FAM229B: variants seen among roughly 807,000 people sequenced by gnomAD.
FAM229B encodes the protein protein FAM229B.
Under a neutral mutation model 6.7 loss-of-function variants are expected in FAM229B, and 2 were observed. The ratio of observed to expected loss-of-function variants is 0.30; its 90% CI spans 0.12 to 0.94. The LOEUF (loss-of-function observed/expected upper bound fraction) is 0.94, where lower values mean the gene tolerates loss of function less well. FAM229B is among the 40% of genes least tolerant of loss of function. FAM229B has a pLI of 0.54. For missense variants in FAM229B, 93 were observed against 96.2 expected (o/e 0.97, Z 0.14); for synonymous variants, 29 against 34.0 (o/e 0.85, Z 0.51).
At chr6:112,093,658 G>T (rs116575044) in intron 1 of FAM229B, among the ~76,000 whole-genome samples, 1 of 151,834 alleles carries the variant, frequency 6.6e-6, no homozygotes, top group African/African-American at 2.4e-5. Context: ...GTCATACAAC[G>T]AATATTCTCT....
intron 2 of FAM229B, among the ~76,000 whole-genome samples, chr6:112,097,531 C>T (rs1777342796): frequency 6.6e-6 from 1 of 151,608 alleles, no homozygotes. Context: ...ACATTGTGTA[C>T]TAATAGCTGA....
chr6:112,087,764 G>A (rs1177623560), intron 1 of FAM229B, 44 bp downstream of exon 1: 14 of 360,784 alleles, frequency 3.9e-5, no homozygotes, highest in Admixed American at 9.2e-5. Flanking sequence ...GTGTCGTTAA[G>A]CTGTTCGTGG....
chr6:112,094,528 C>T (rs587738713), intron 1 of FAM229B, among the ~76,000 whole-genome samples: 1 of 152,166 alleles, frequency 6.6e-6, no homozygotes, highest in East Asian at 1.9e-4. Flanking sequence ...CTCATTTCCA[C>T]CTAATTAATG....
chr6:112,091,266 A>G (rs782070050), intron 1 of FAM229B, among the ~76,000 whole-genome samples: 4 of 152,130 alleles, frequency 2.6e-5, no homozygotes, highest in Non-Finnish European at 5.9e-5. Context: ...GTTAGAGAGT[A>G]TGCAAAAACA....
chr6:112,095,610 T>A (rs1268763343), intron 1 of FAM229B, among the ~76,000 whole-genome samples: 2 of 115,462 alleles, frequency 1.7e-5, no homozygotes, highest in East Asian at 5.2e-4. Context: ...CACTCCAGCC[T>A]GGATGACAGA....
chr6:112,094,214 A>C (rs1777293344), intron 1 of FAM229B, among the ~76,000 whole-genome samples: 1 of 152,148 alleles, frequency 6.6e-6, no homozygotes, highest in African/African-American at 2.4e-5. Flanking sequence ...ATTGGAGTGG[A>C]AATAAAATAA....
chr6:112,096,518 T>G (rs1356441283), intron 1 of FAM229B, among the ~76,000 whole-genome samples: 2 of 152,086 alleles, frequency 1.3e-5, no homozygotes, highest in Non-Finnish European at 2.9e-5. Flanking sequence ...ATAGCACCAC[T>G]GCACTCCAGC....
chr6:112,098,804 C>G (rs928975255), intron 2 of FAM229B, among the ~76,000 whole-genome samples: 4 of 152,176 alleles, frequency 2.6e-5, no homozygotes, highest in Non-Finnish European at 4.4e-5. Context: ...TTTCACACGG[C>G]AGAAATGGTC....
intron 1 of FAM229B, among the ~76,000 whole-genome samples, chr6:112,089,903 C>T (rs1009916442): frequency 3.9e-5 from 6 of 151,958 alleles, no homozygotes; most frequent in Admixed American, 2.0e-4. Flanking sequence ...AAAGGATACA[C>T]ACTATGTTCT....
chr6:112,095,509 G>A (rs1479532130), intron 1 of FAM229B, among the ~76,000 whole-genome samples: 2 of 151,594 alleles, frequency 1.3e-5, no homozygotes, highest in Non-Finnish European at 2.9e-5. Flanking sequence ...GTGTGCACCT[G>A]TAGTCCCAGC....
chr6:112,088,089 A>G (rs782379875), intron 1 of FAM229B, among the ~76,000 whole-genome samples: 3 of 152,230 alleles, frequency 2.0e-5, no homozygotes, highest in Non-Finnish European at 4.4e-5. Context: ...GAAAGAAATT[A>G]AGGCATAGAT....
rs17073353 is a variant in FAM229B at position 112,100,951 on chromosome 6, T to C, written c.*164T>C. The C allele has an allele frequency of 0.25, 152,115 of 607,134 alleles. 19,653 individuals are homozygous for C. The highest frequency in any genetic ancestry group is 0.31 in the East Asian group (11,139 of 36,296). The allele number at this position is 607,134 out of a possible 1,614,324, so 37.6% of individuals were successfully genotyped here. On this transcript the variant is annotated 3_prime_UTR_variant, in exon 4 of 4. Coordinates refer to ENST00000368656, the MANE Select transcript of FAM229B (RefSeq NM_001033564.3). ...ACAGAAATGTAGTCAGTAAAGCACA[T>C]GTAGTGATAGGCTATCAGTTATGTC...
Position 112,087,609 on chromosome 6 carries a change from T to G in FAM229B, c.-287T>G. 1 of 655,380 alleles carries G rather than the reference T, an allele frequency of 1.5e-6. No homozygotes were observed. Among genetic ancestry groups the G allele is most frequent in the South Asian group, 1.9e-5 (1 of 51,378 alleles). The allele number at this position is 655,380 out of a possible 1,614,324, so 40.6% of individuals were successfully genotyped here. ...GTTTTCCGTCAGAAGGCCGCGCAAGTGCACTTGCGTGTCACCGTTACCGTA... is the reference window on the plus strand; with the variant it reads ...GTTTTCCGTCAGAAGGCCGCGCAAGGGCACTTGCGTGTCACCGTTACCGTA... On this transcript the variant is annotated 5_prime_UTR_variant, in exon 1 of 4. Transcript: ENST00000368656.
chr6:112,095,662 C>CAAAAAAAAAAAAAAAAAAAAAAAAAAA (rs376039549), intron 1 of FAM229B, among the ~76,000 whole-genome samples: 3 of 77,896 alleles, frequency 3.9e-5, no homozygotes, highest in Non-Finnish European at 8.1e-5. Context: ...AAAAAAAAAC[C>CAAAAAAAAAAAAAAAAAAAAAAAAAAA]AAAAAAAAAA....
chr6:112,094,922 A>G (rs1327249491), intron 1 of FAM229B, among the ~76,000 whole-genome samples: 2 of 152,030 alleles, frequency 1.3e-5, no homozygotes, highest in Non-Finnish European at 2.9e-5. Flanking sequence ...TATGCTGGAG[A>G]CTCAAATTCC....
At chr6:112,100,583 TA>T in intron 3 of FAM229B, 86 bp from the exon 4 acceptor site, 4 of 843,738 alleles carry the variant, frequency 4.7e-6, no homozygotes, top group Non-Finnish European at 7.8e-6. Flanking sequence ...TTAAAACAGT[TA>T]AATATACAAT....
At chr6:112,096,274 C>T (rs587705340) in intron 1 of FAM229B, among the ~76,000 whole-genome samples, 150 of 152,148 alleles carry the variant, frequency 9.9e-4, no homozygotes, top group African/African-American at 3.4e-3. Flanking sequence ...TTCTTCCTTT[C>T]GGCCGGGCGC....
chr6:112,100,849 TGATC>T lies in FAM229B; in HGVS notation c.*63_*66del. 1 of 1,210,104 alleles carries T rather than the reference TGATC, an allele frequency of 8.3e-7. No individual in the cohort carries two copies. Among genetic ancestry groups the T allele is most frequent in the Non-Finnish European group, 1.2e-6 (1 of 820,602 alleles). 75.0% of individuals were successfully genotyped at this position (1,210,104 alleles called of 1,614,324 possible). On this transcript the variant is annotated 3_prime_UTR_variant, in exon 4 of 4. Transcript: ENST00000368656. Reference sequence around the variant, plus strand: ...AGGGTAATGGACCAGTATCATCTGGTGATCTGGTAAACAAATAAAAGTGGTGGCA... The same window carrying T: ...AGGGTAATGGACCAGTATCATCTGGTTGGTAAACAAATAAAAGTGGTGGCA...
At chr6:112,099,231 T>C (rs1777363530) in intron 2 of FAM229B, 39 bp from the exon 3 acceptor site, 1 of 1,564,328 alleles carries the variant, frequency 6.4e-7, no homozygotes, top group Non-Finnish European at 8.7e-7. Context: ...ATTTTAATTT[T>C]CTAATCTAGG....
Sources: allele counts gnomAD v4.1 joint callset (sites outside exome capture counted in the v4.1 genomes callset), GRCh38; gene constraint gnomAD v4.1.1; transcripts MANE v1.5; gene names NCBI Gene and HGNC (gene_info 2026-07-23, HGNC 2026-07-21).